CTNNA1: variants seen among roughly 807,000 people sequenced by gnomAD.
CTNNA1 encodes catenin alpha-1.
In CTNNA1, 37 loss-of-function variants were observed where a neutral mutation model predicts 98.4. That is an observed-to-expected ratio of 0.38 (90% CI 0.29 to 0.49). The LOEUF is 0.49. Ranked by LOEUF, CTNNA1 falls within the 20% of genes least tolerant of loss-of-function variation. The pLI is 0.95. For synonymous variants in CTNNA1, 404 were observed against 413.2 expected (o/e 0.98, Z 0.27); for missense variants, 761 against 1,147.2 (o/e 0.66, Z 4.86).
At chr5:138,768,140 G>C (rs957181000) in intron 1 of CTNNA1, among the ~76,000 whole-genome samples, 3 of 152,196 alleles carry the variant, frequency 2.0e-5, no homozygotes, top group African/African-American at 7.2e-5. Flanking sequence ...GCATTCGATT[G>C]TCGTATGTCT....
intron 9 of CTNNA1, chr5:138,891,079 G>A (rs1039397246): frequency 1.3e-5 from 2 of 152,180 alleles, no homozygotes; most frequent in South Asian, 4.1e-4. Flanking sequence ...TTTTATGGTT[G>A]TTACCCAGTG....
chr5:138,863,689 C>T (rs1391130149), intron 7 of CTNNA1, among the ~76,000 whole-genome samples: 1 of 152,220 alleles, frequency 6.6e-6, no homozygotes, highest in East Asian at 1.9e-4. Flanking sequence ...AAAGCCAGTA[C>T]CCTGAGACAG....
At chr5:138,867,486 C>T (rs565941078) in intron 7 of CTNNA1, among the ~76,000 whole-genome samples, 1 of 152,292 alleles carries the variant, frequency 6.6e-6, no homozygotes, top group Admixed American at 6.5e-5. Context: ...TGTAGCAAGC[C>T]AAGGACATTA....
intron 14 of CTNNA1, among the ~76,000 whole-genome samples, chr5:138,929,798 C>G (rs779798694): frequency 1.3e-5 from 2 of 152,210 alleles, no homozygotes; most frequent in Admixed American, 6.5e-5. Context: ...ATTAAATCTT[C>G]AATCAATAGC....
chr5:138,842,224 C>G lies in CTNNA1; in HGVS notation c.1062+14506C>G, dbSNP rs527512348. Among the ~76,000 whole-genome samples, 17 of 152,158 alleles carry G rather than the reference C, an allele frequency of 1.1e-4. 1 individual carries two copies. The highest frequency in any genetic ancestry group is 1.1e-3 in the Admixed American group (17 of 15,286). On this transcript the variant is annotated intron_variant, in intron 7 of 17. Coordinates refer to ENST00000302763, the MANE Select transcript of CTNNA1 (RefSeq NM_001903.5). ...CTGAGGTAAGAGGAGAGCCTGAGCC[C>G]GGGAAGTTGAGGCTGCAGTGAGCCA...
chr5:138,766,431 G>A (rs546379887), intron 1 of CTNNA1, among the ~76,000 whole-genome samples: 9 of 149,186 alleles, frequency 6.0e-5, no homozygotes, highest in Admixed American at 5.6e-4. Context: ...GTATGTGGTG[G>A]GGAAGCAATA....
intron 5 of CTNNA1, among the ~76,000 whole-genome samples, chr5:138,821,533 C>CT (rs970715922): frequency 2.0e-5 from 3 of 151,994 alleles, no homozygotes; most frequent in African/African-American, 7.3e-5. Flanking sequence ...ACCATGGACC[C>CT]TTTTTTTAAG....
At chr5:138,810,297 G>A in intron 4 of CTNNA1, 93 bp downstream of exon 4, 2 of 1,449,766 alleles carry the variant, frequency 1.4e-6, no homozygotes, top group Admixed American at 1.9e-5. Flanking sequence ...ATTTAGTTTG[G>A]TTTTGAATTT....
Position 138,827,673 on chromosome 5 carries a change from T to C in CTNNA1, c.1017T>C (p.Ala339=), listed in dbSNP as rs1581178613. Residue 339 remains alanine, a synonymous_variant, in exon 7 of 18, where the codon GCT becomes GCC. Transcript: ENST00000302763. ...AGCGAATTGTGGCAGAGTGTAATGC[T>C]GTCCGCCAGGCCCTGCAGGACCTGC... is the stretch of plus-strand genomic sequence containing the variant. The part of the protein sequence containing the change: ...RRERIVAECN[A]VRQALQDLLS... 8 of 1,614,232 alleles carry C rather than the reference T, an allele frequency of 5.0e-6. No homozygotes were observed. The highest frequency in any genetic ancestry group is 6.8e-6 in the Non-Finnish European group (8 of 1,180,036).
intron 9 of CTNNA1, among the ~76,000 whole-genome samples, chr5:138,890,593 A>G (rs965312579): frequency 3.3e-5 from 5 of 152,216 alleles, no homozygotes; most frequent in African/African-American, 1.2e-4. Flanking sequence ...TTCCAATGAA[A>G]TCAAGGTTCA....
chr5:138,810,958 C>CGGGCG (rs1334342162), intron 4 of CTNNA1, among the ~76,000 whole-genome samples: 4 of 141,434 alleles, frequency 2.8e-5, no homozygotes, highest in Non-Finnish European at 4.9e-5. Context: ...GGCAGCTGGC[C>CGGGCG]GGGCAGGGGG....
intron 4 of CTNNA1, among the ~76,000 whole-genome samples, chr5:138,811,537 C>A (rs1416529536): frequency 2.0e-5 from 3 of 151,060 alleles, no homozygotes; most frequent in Non-Finnish European, 4.4e-5. Flanking sequence ...AGAGGCTGCA[C>A]TCTCGGCGCT....
intron 16 of CTNNA1, 87 bp from the exon 17 acceptor site, chr5:138,932,491 C>A (rs1258194230): frequency 1.6e-5 from 25 of 1,544,310 alleles, no homozygotes; most frequent in East Asian, 2.3e-5. Flanking sequence ...ATGTGAGTGC[C>A]ACACTGAACC....
intron 1 of CTNNA1, among the ~76,000 whole-genome samples, chr5:138,774,659 T>C (rs1052824241): frequency 1.3e-5 from 2 of 152,028 alleles, no homozygotes; most frequent in African/African-American, 4.8e-5. Flanking sequence ...TCTCGCTCTG[T>C]CGCCCAGGCT....
At chr5:138,769,528 ATTATT>A (rs1162202347) in intron 1 of CTNNA1, among the ~76,000 whole-genome samples, 1 of 150,654 alleles carries the variant, frequency 6.6e-6, no homozygotes, top group Non-Finnish European at 1.5e-5. Context: ...TTTTTATTTT[ATTATT>A]TTATTTTATT....
chr5:138,839,419 T>C (rs1377151913), intron 7 of CTNNA1, among the ~76,000 whole-genome samples: 1 of 152,042 alleles, frequency 6.6e-6, no homozygotes, highest in Non-Finnish European at 1.5e-5. Flanking sequence ...CAGGCTGGTC[T>C]CTAACTCCTG....
At chr5:138,861,359 C>T (rs1415240084) in intron 7 of CTNNA1, among the ~76,000 whole-genome samples, 1 of 152,168 alleles carries the variant, frequency 6.6e-6, no homozygotes, top group Non-Finnish European at 1.5e-5. Flanking sequence ...CATGGGCGAT[C>T]CTTACATGAA....
At chr5:138,858,128 ATTTT>A (rs71858446) in intron 7 of CTNNA1, among the ~76,000 whole-genome samples, 1 of 141,632 alleles carries the variant, frequency 7.1e-6, no homozygotes, top group African/African-American at 2.6e-5. Context: ...GTTAAAAAAA[ATTTT>A]TTTTTTTTTT....
At chr5:138,929,889 G>C (rs919698995) in intron 14 of CTNNA1, among the ~76,000 whole-genome samples, 1 of 152,082 alleles carries the variant, frequency 6.6e-6, no homozygotes, top group African/African-American at 2.4e-5. Context: ...CGTGAACAGC[G>C]AGCACATCCC....
Sources: allele counts gnomAD v4.1 joint callset (sites outside exome capture counted in the v4.1 genomes callset), GRCh38; gene constraint gnomAD v4.1.1; transcripts MANE v1.5; gene names NCBI Gene and HGNC (gene_info 2026-07-23, HGNC 2026-07-21).